The following PPP2R3A variants were observed in gnomAD, a reference collection of about 807,000 sequenced individuals.
The protein encoded by PPP2R3A is protein phosphatase 2 regulatory subunit B''alpha.
In PPP2R3A, 80 loss-of-function variants were observed where a neutral mutation model predicts 106.9. The ratio of observed to expected loss-of-function variants is 0.75; its 90% CI spans 0.62 to 0.90. PPP2R3A has a LOEUF of 0.90. PPP2R3A is among the 40% of genes least tolerant of loss of function. PPP2R3A has a pLI of 0.00. For synonymous variants in PPP2R3A, 483 were observed against 468.3 expected, an observed-to-expected ratio of 1.03 and a Z score of -0.41; for missense variants, 1,386 against 1,350.4, an observed-to-expected ratio of 1.03 and a Z score of -0.41.
At chr3:136,030,778 A>G (rs368720532) in intron 3 of PPP2R3A, among the ~76,000 whole-genome samples, 1,180 of 111,302 alleles carry the variant, frequency 0.011, 16 homozygotes, top group East Asian at 0.022. Context: ...ATATATATAT[A>G]TATGTATGTA....
chr3:136,023,055 A>G (rs1302746393), intron 2 of PPP2R3A: 2 of 1,612,548 alleles, frequency 1.2e-6, no homozygotes, highest in Non-Finnish European at 1.7e-6. Flanking sequence ...CGAAGTAAAC[A>G]TTTACTTTTC....
chr3:136,099,921 A>T (rs1016306742), intron 10 of PPP2R3A, among the ~76,000 whole-genome samples: 2 of 148,844 alleles, frequency 1.3e-5, no homozygotes, highest in Non-Finnish European at 3.0e-5. Context: ...AGTTCTTAAA[A>T]AAAAAAAAAA....
chr3:136,015,448 CT>C (rs1170475046), intron 2 of PPP2R3A, among the ~76,000 whole-genome samples: 3 of 150,452 alleles, frequency 2.0e-5, no homozygotes, highest in East Asian at 1.9e-4. Context: ...TGGTCCTGGA[CT>C]TTTTTTTGTT....
intron 3 of PPP2R3A, among the ~76,000 whole-genome samples, chr3:136,030,480 A>C (rs1179588876): frequency 4.0e-5 from 6 of 151,802 alleles, no homozygotes; most frequent in Admixed American, 1.3e-4. Context: ...GTGATTTGTG[A>C]GATTTTGGTG....
chr3:136,013,095 TC>T (rs771574313), intron 2 of PPP2R3A, among the ~76,000 whole-genome samples: 2 of 152,108 alleles, frequency 1.3e-5, no homozygotes, highest in Non-Finnish European at 2.9e-5. Context: ...AGTCTCCAAT[TC>T]CATCCAGGTT....
At chr3:136,018,137 T>C (rs1576437922) in intron 2 of PPP2R3A, among the ~76,000 whole-genome samples, 1 of 152,070 alleles carries the variant, frequency 6.6e-6, no homozygotes, top group Non-Finnish European at 1.5e-5. Context: ...CACAGTGCCA[T>C]GTGCCTGTAG....
At chr3:135,991,065 AG>A (rs2107773410) in intron 1 of PPP2R3A, among the ~76,000 whole-genome samples, 1 of 152,170 alleles carries the variant, frequency 6.6e-6, no homozygotes, top group South Asian at 2.1e-4. Flanking sequence ...TTTTCCCTTC[AG>A]CCAACTACAC....
chr3:136,059,349 G>A (rs1038340268), intron 5 of PPP2R3A, among the ~76,000 whole-genome samples: 7 of 151,760 alleles, frequency 4.6e-5, no homozygotes, highest in South Asian at 2.1e-4. Flanking sequence ...AAAAGAAGAC[G>A]TGCATGTGGC....
At chr3:136,126,137 G>T (rs1340430590) in intron 13 of PPP2R3A, among the ~76,000 whole-genome samples, 2 of 152,242 alleles carry the variant, frequency 1.3e-5, no homozygotes, top group Non-Finnish European at 2.9e-5. Context: ...CATTGGGACT[G>T]GTTGGACAGT....
At chr3:136,016,047 T>A (rs1341083006) in intron 2 of PPP2R3A, among the ~76,000 whole-genome samples, 1 of 152,192 alleles carries the variant, frequency 6.6e-6, no homozygotes, top group Non-Finnish European at 1.5e-5. Context: ...AAGAATTTTT[T>A]AATTTCCATC....
rs946824666 is a variant in PPP2R3A, at chr3:136,147,148, A to T, written c.*1982A>T. On this transcript the variant is annotated 3_prime_UTR_variant, in exon 14 of 14. Coordinates refer to ENST00000264977, the MANE Select transcript of PPP2R3A (RefSeq NM_002718.5). ...CTTTGGGAGGCCAAGGGAGGTGATC[A>T]CTTGAGCCCAGGAGTAAAGACCAGC... 2 of 152,196 alleles carry T rather than the reference A, an allele frequency of 1.3e-5. No homozygotes were observed. Among genetic ancestry groups the T allele is most frequent in the African/African-American group, 4.8e-5 (2 of 41,440 alleles). The allele number at this position is 152,196 out of a possible 1,614,324, so 9.4% of individuals were successfully genotyped here. A position where few individuals can be genotyped will look rare whatever the true frequency, so the allele number is the denominator to read the frequency against.
intron 1 of PPP2R3A, among the ~76,000 whole-genome samples, chr3:135,994,235 G>C (rs1430114466): frequency 6.6e-6 from 1 of 152,172 alleles, no homozygotes; most frequent in Non-Finnish European, 1.5e-5. Context: ...TTAATCCACA[G>C]TGGAGACTAG....
chr3:136,130,853 A>G (rs1938385270), intron 13 of PPP2R3A, among the ~76,000 whole-genome samples: 1 of 152,178 alleles, frequency 6.6e-6, no homozygotes, highest in Admixed American at 6.5e-5. Flanking sequence ...AAATAACACC[A>G]CACATCTACA....
chr3:136,084,324 G>A (rs112579821), intron 8 of PPP2R3A, among the ~76,000 whole-genome samples: 6,124 of 152,322 alleles, frequency 0.04, 442 homozygotes, highest in African/African-American at 0.14. Context: ...GCAAACCCCA[G>A]CCCTTGGTGG....
At chr3:136,113,963 G>A (rs1937644435) in intron 13 of PPP2R3A, among the ~76,000 whole-genome samples, 1 of 152,136 alleles carries the variant, frequency 6.6e-6, no homozygotes, top group Non-Finnish European at 1.5e-5. Flanking sequence ...AAGAGCTTCT[G>A]GAATTGCTGG....
chr3:135,989,900 T>A (rs1013007495), intron 1 of PPP2R3A, among the ~76,000 whole-genome samples: 2 of 152,166 alleles, frequency 1.3e-5, no homozygotes, highest in Non-Finnish European at 2.9e-5. Context: ...AAAATCTCCA[T>A]GACTGTTTAT....
At chr3:136,004,328 C>T (rs1933767675) in intron 2 of PPP2R3A, among the ~76,000 whole-genome samples, 2 of 152,198 alleles carry the variant, frequency 1.3e-5, no homozygotes, top group Admixed American at 6.5e-5. Context: ...AGGCTCTGCT[C>T]TACTTCATTC....
At chr3:136,117,500 A>T (rs1358014165) in intron 13 of PPP2R3A, among the ~76,000 whole-genome samples, 1 of 152,214 alleles carries the variant, frequency 6.6e-6, no homozygotes, top group Non-Finnish European at 1.5e-5. Flanking sequence ...ATAAAGAAGA[A>T]AAGAGAGAAG....
At chr3:136,126,597 G>A (rs1938190870) in intron 13 of PPP2R3A, among the ~76,000 whole-genome samples, 1 of 152,236 alleles carries the variant, frequency 6.6e-6, no homozygotes, top group Non-Finnish European at 1.5e-5. Context: ...AACTTCTGCA[G>A]ACTTAAACGT....
Sources: allele counts gnomAD v4.1 joint callset (sites outside exome capture counted in the v4.1 genomes callset), GRCh38; gene constraint gnomAD v4.1.1; transcripts MANE v1.5; gene names NCBI Gene and HGNC (gene_info 2026-07-23, HGNC 2026-07-21).